The following CEP112 variants were observed in gnomAD, a reference collection of about 807,000 sequenced individuals.
The protein encoded by CEP112 is centrosomal protein of 112 kDa.
A neutral mutation model predicts 153.0 loss-of-function variants in CEP112; 127 were observed. The ratio of observed to expected loss-of-function variants is 0.83; its 90% CI spans 0.72 to 0.96. CEP112 has a LOEUF of 0.96. Ranked by LOEUF, CEP112 falls within the 40% of genes least tolerant of loss-of-function variation. The probability of loss-of-function intolerance (pLI) is 0.00; values close to 1 mark genes in which losing one functional copy is unlikely to be tolerated. For missense variants in CEP112, 1,089 were observed against 1,101.2 expected (o/e 0.99, Z 0.16); for synonymous variants, 358 against 374.4 (o/e 0.96, Z 0.51).
intron 19 of CEP112, among the ~76,000 whole-genome samples, chr17:65,920,362 A>AATATAT (rs55934550): frequency 0.028 from 1,170 of 42,474 alleles, 34 homozygotes; most frequent in Non-Finnish European, 0.035. Context: ...AAACAAACAA[A>AATATAT]ATATATATAT....
intron 23 of CEP112, among the ~76,000 whole-genome samples, chr17:65,721,552 A>G (rs2049888894): frequency 6.6e-6 from 1 of 152,216 alleles, no homozygotes; most frequent in African/African-American, 2.4e-5. Context: ...TTATTTATAT[A>G]TTGATCATCT....
chr17:65,654,154 C>G (rs575185874), intron 24 of CEP112, among the ~76,000 whole-genome samples: 22 of 151,276 alleles, frequency 1.5e-4, no homozygotes, highest in African/African-American at 5.3e-4. Flanking sequence ...GAAAATGTAC[C>G]GCCTTCTAAG....
chr17:66,027,700 A>C (rs890543122), intron 15 of CEP112, 140 bp from the exon 16 acceptor site: 13 of 591,064 alleles, frequency 2.2e-5, no homozygotes, highest in Middle Eastern at 5.6e-4. Flanking sequence ...TAAGCCCTAC[A>C]GGTAGAAATT....
chr17:65,801,451 CT>C (rs1385823016), intron 21 of CEP112, among the ~76,000 whole-genome samples: 2 of 152,196 alleles, frequency 1.3e-5, no homozygotes, highest in African/African-American at 4.8e-5. Flanking sequence ...TTTATCACTT[CT>C]GCTTTTGTTG....
Position 65,998,417 on chromosome 17 carries a change from AAAATTGAACTG to A in CEP112, c.1736+7262_1736+7272del, listed in dbSNP as rs565955161. On this transcript the variant is annotated intron_variant, in intron 17 of 26. Coordinates refer to ENST00000535342, the MANE Select transcript of CEP112 (RefSeq NM_001199165.4). ...AAAAAAAAAAAAAAGGAAATGTTCT[AAAATTGAACTG>A]TGGTGATGGTTACAAAACACAGAAC... 2.0e-3 allele frequency among the ~76,000 whole-genome samples: 292 copies of A among 149,292 alleles called. 1 individual carries two copies. The highest frequency in any genetic ancestry group is 7.0e-3 in the African/African-American group (282 of 40,488).
intron 19 of CEP112, among the ~76,000 whole-genome samples, chr17:65,910,206 T>C (rs985192275): frequency 6.6e-6 from 1 of 152,154 alleles, no homozygotes; most frequent in African/African-American, 2.4e-5. Flanking sequence ...TTTTTCTCCA[T>C]CCCTATCACG....
intron 18 of CEP112, among the ~76,000 whole-genome samples, chr17:65,949,503 T>C (rs2061750078): frequency 6.6e-6 from 1 of 152,004 alleles, no homozygotes; most frequent in South Asian, 2.1e-4. Context: ...AGGAATCAGG[T>C]ATGTGGGGGG....
rs1282891619 is a variant in CEP112 at position 66,096,766 on chromosome 17, G to A, written c.643-134C>T. On this transcript the variant is annotated intron_variant, in intron 6 of 26. Coordinates refer to ENST00000535342, the MANE Select transcript of CEP112 (RefSeq NM_001199165.4). ...TTAATATTTAATTCATTTTTAGAAT[G>A]GGTATTGTATGATATATTTTTAGCG... The A allele has an allele frequency of 4.7e-6, 3 of 644,738 alleles. No homozygotes were observed. In the East Asian group the frequency reaches 8.4e-5, roughly 18 times the overall value. The allele number at this position is 644,738 out of a possible 1,614,324, so 39.9% of individuals were successfully genotyped here. A position where few individuals can be genotyped will look rare whatever the true frequency, so the allele number is the denominator to read the frequency against.
At chr17:65,887,896 T>C (rs2059337436) in intron 20 of CEP112, among the ~76,000 whole-genome samples, 1 of 152,228 alleles carries the variant, frequency 6.6e-6, no homozygotes, top group African/African-American at 2.4e-5. Context: ...TATGTGACTA[T>C]AGTTTTGTAT....
intron 20 of CEP112, among the ~76,000 whole-genome samples, chr17:65,880,977 G>A (rs1598869018): frequency 6.6e-6 from 1 of 152,248 alleles, no homozygotes; most frequent in East Asian, 1.9e-4. Flanking sequence ...AGCACTTTGG[G>A]AGGTCAAGGA....
In CEP112 at chr17:66,029,863, C is replaced by T; in HGVS notation, c.1373+6G>A. 1 of 1,611,314 alleles carries T rather than the reference C, an allele frequency of 6.2e-7. No homozygotes were observed. Among genetic ancestry groups the T allele is most frequent in the Middle Eastern group, 1.7e-4 (1 of 6,038 alleles). On this transcript the variant is annotated splice_donor_region_variant and intron_variant, in intron 13 of 26. Transcript: ENST00000535342. ...CACCTGATAAATATCTGATTTCAGA[C>T]AATACCTTGCCTTTACTTCTTGTAA... is the stretch of plus-strand genomic sequence containing the variant.
At chr17:65,790,187 T>C (rs1302732170) in intron 21 of CEP112, among the ~76,000 whole-genome samples, 1 of 152,112 alleles carries the variant, frequency 6.6e-6, no homozygotes, top group East Asian at 1.9e-4. Context: ...TTCTTGACAT[T>C]TGTGTCCTAA....
chr17:65,657,688 C>T (rs1173944940), intron 24 of CEP112, among the ~76,000 whole-genome samples: 1 of 152,058 alleles, frequency 6.6e-6, no homozygotes, highest in Non-Finnish European at 1.5e-5. Flanking sequence ...GGACCAAAAC[C>T]CCAACCAAAG....
chr17:65,643,732 C>T (rs917222657), intron 24 of CEP112, among the ~76,000 whole-genome samples: 8 of 152,300 alleles, frequency 5.3e-5, no homozygotes, highest in African/African-American at 1.9e-4. Context: ...CTGGTTTCAT[C>T]CACTTCTTCT....
Position 66,172,809 on chromosome 17 carries a change from C to T in CEP112, c.470+2235G>A, listed in dbSNP as rs560664127. ...TCCATGTGCTCATCTTTCTCCCCCA[C>T]TCATCTAAAACAATGGTTATAAATC... On this transcript the variant is annotated intron_variant, in intron 4 of 26. Transcript: ENST00000535342. Among the ~76,000 whole-genome samples, 10 of 152,328 alleles carry T rather than the reference C, an allele frequency of 6.6e-5. No homozygotes were observed. In the South Asian group the frequency reaches 1.9e-3, roughly 28 times the overall value.
chr17:66,064,564 A>G (rs2067045037), intron 10 of CEP112, among the ~76,000 whole-genome samples: 2 of 152,180 alleles, frequency 1.3e-5, no homozygotes, highest in Admixed American at 1.3e-4. Flanking sequence ...AAATTTTTGT[A>G]AACATTTCCC....
chr17:66,022,631 C>A (rs907062290), intron 16 of CEP112, among the ~76,000 whole-genome samples: 1 of 146,076 alleles, frequency 6.8e-6, no homozygotes, highest in Non-Finnish European at 1.5e-5. Context: ...AGGGCATGAA[C>A]CTGGGAGGCA....
chr17:65,830,653 TG>T (rs1255557864), intron 21 of CEP112, among the ~76,000 whole-genome samples: 1 of 152,200 alleles, frequency 6.6e-6, no homozygotes, highest in Non-Finnish European at 1.5e-5. Context: ...GCAGAATCTG[TG>T]GGAAGGCTCG....
intron 1 of CEP112, 94 bp from the exon 2 acceptor site, chr17:66,183,401 A>T: frequency 1.3e-6 from 1 of 767,054 alleles, no homozygotes; most frequent in East Asian, 2.8e-5. Flanking sequence ...TAAGTGTTAG[A>T]TATCAGTTCT....
Sources: allele counts gnomAD v4.1 joint callset (sites outside exome capture counted in the v4.1 genomes callset), GRCh38; gene constraint gnomAD v4.1.1; transcripts MANE v1.5; gene names NCBI Gene and HGNC (gene_info 2026-07-23, HGNC 2026-07-21).